RORA: variants seen among roughly 807,000 people sequenced by gnomAD.
RORA encodes RAR related orphan receptor A.
RORA carries 7 observed loss-of-function variants against 69.5 expected under a neutral mutation model. That is an observed-to-expected ratio of 0.10 (90% CI 0.06 to 0.19). The LOEUF (loss-of-function observed/expected upper bound fraction) is 0.19, where lower values mean the gene tolerates loss of function less well. Ranked by LOEUF, RORA falls within the 10% of genes least tolerant of loss-of-function variation. The probability of loss-of-function intolerance (pLI) is 1.00; values close to 1 mark genes in which losing one functional copy is unlikely to be tolerated. For missense variants in RORA, 457 were observed against 663.0 expected (o/e 0.69, Z 3.41); for synonymous variants, 261 against 240.8 (o/e 1.08, Z -0.78).
chr15:60,581,071 C>T (rs1284703491), intron 2 of RORA, among the ~76,000 whole-genome samples: 1 of 152,214 alleles, frequency 6.6e-6, no homozygotes, highest in Admixed American at 6.5e-5. Context: ...AACCAACCTT[C>T]TTCAACAAGA....
intron 2 of RORA, among the ~76,000 whole-genome samples, chr15:60,562,432 G>GT (rs1029165196): frequency 1.5e-4 from 14 of 95,572 alleles, no homozygotes; most frequent in African/African-American, 1.0e-3. Context: ...AGGCGGGGTT[G>GT]GGGGGGGGTT....
chr15:60,629,046 C>T (rs2069663689), intron 2 of RORA, among the ~76,000 whole-genome samples: 3 of 152,114 alleles, frequency 2.0e-5, no homozygotes, highest in Non-Finnish European at 4.4e-5. Context: ...TGGCAGGCTT[C>T]TCATTCTTGA....
chr15:60,832,631 A>G (rs1206933681), intron 1 of RORA, among the ~76,000 whole-genome samples: 1 of 152,122 alleles, frequency 6.6e-6, no homozygotes, highest in African/African-American at 2.4e-5. Context: ...AAACTAATGT[A>G]TCTAATTGCA....
intron 2 of RORA, among the ~76,000 whole-genome samples, chr15:60,608,951 C>T (rs560129086): frequency 1.3e-4 from 20 of 152,304 alleles, no homozygotes; most frequent in African/African-American, 4.8e-4. Flanking sequence ...GAAACACACA[C>T]AGTTTACAAA....
intron 1 of RORA, among the ~76,000 whole-genome samples, chr15:60,701,366 C>A (rs955895640): frequency 2.0e-5 from 3 of 152,166 alleles, no homozygotes; most frequent in Non-Finnish European, 2.9e-5. Flanking sequence ...TGGGCAAGAA[C>A]CACCATGGAT....
intron 1 of RORA, among the ~76,000 whole-genome samples, chr15:60,927,199 C>A (rs762363513): frequency 6.6e-6 from 1 of 152,130 alleles, no homozygotes; most frequent in Non-Finnish European, 1.5e-5. Context: ...ACATGTGGAC[C>A]AGTTCCCTAC....
At chr15:60,895,895 A>C (rs1891220360) in intron 1 of RORA, among the ~76,000 whole-genome samples, 1 of 152,228 alleles carries the variant, frequency 6.6e-6, no homozygotes, top group Non-Finnish European at 1.5e-5. Context: ...CTTAAAGTTC[A>C]TCCTTAAAAA....
chr15:60,660,071 A>G (rs1042514280), intron 2 of RORA, among the ~76,000 whole-genome samples: 2 of 151,890 alleles, frequency 1.3e-5, no homozygotes, highest in Admixed American at 6.6e-5. Context: ...TCATCTAAAA[A>G]TTTTTTTTTC....
chr15:60,997,370 C>A (rs551536287), intron 1 of RORA, among the ~76,000 whole-genome samples: 1 of 152,234 alleles, frequency 6.6e-6, no homozygotes, highest in South Asian at 2.1e-4. Flanking sequence ...ATACAGCTGT[C>A]TCGTGCCAAA....
At chr15:61,080,343 G>T (rs2078521082) in intron 1 of RORA, among the ~76,000 whole-genome samples, 1 of 152,132 alleles carries the variant, frequency 6.6e-6, no homozygotes, top group African/African-American at 2.4e-5. Flanking sequence ...ACTCGCCTTT[G>T]AGAGTTCCTA....
intron 1 of RORA, among the ~76,000 whole-genome samples, chr15:60,956,205 G>C (rs1449143725): frequency 6.6e-6 from 1 of 151,544 alleles, no homozygotes; most frequent in Non-Finnish European, 1.5e-5. Flanking sequence ...ATAAACACTT[G>C]TTCAAACAAA....
chr15:60,704,749 T>C (rs923433588), intron 1 of RORA, among the ~76,000 whole-genome samples: 4 of 152,166 alleles, frequency 2.6e-5, no homozygotes. Context: ...TTAGAGACCC[T>C]CACAGCAAGC....
At chr15:61,221,167 T>A (rs1009167189) in intron 1 of RORA, among the ~76,000 whole-genome samples, 1 of 152,134 alleles carries the variant, frequency 6.6e-6, no homozygotes, top group Non-Finnish European at 1.5e-5. Context: ...ACAGAAAAAA[T>A]TACACCATGT....
intron 1 of RORA, among the ~76,000 whole-genome samples, chr15:60,827,566 C>T (rs28576884): frequency 0.071 from 10,757 of 152,230 alleles, 1,058 homozygotes; most frequent in African/African-American, 0.22. Context: ...CACTGCATGG[C>T]CAGGCTTCCA....
At chr15:60,977,242 G>C (rs915307303) in intron 1 of RORA, among the ~76,000 whole-genome samples, 14 of 152,048 alleles carry the variant, frequency 9.2e-5, no homozygotes, top group African/African-American at 3.4e-4. Flanking sequence ...TGGTGGGGAG[G>C]GGGTCGTAAA....
intron 1 of RORA, among the ~76,000 whole-genome samples, chr15:61,216,670 C>T (rs1254093051): frequency 6.6e-6 from 1 of 152,022 alleles, no homozygotes; most frequent in African/African-American, 2.4e-5. Flanking sequence ...ATAGTGGGAG[C>T]AGGGAGACAG....
At chr15:60,603,383 A>T (rs1217505012) in intron 2 of RORA, among the ~76,000 whole-genome samples, 3 of 152,206 alleles carry the variant, frequency 2.0e-5, no homozygotes, top group Non-Finnish European at 4.4e-5. Context: ...TCCTATCAGC[A>T]ATGTATGAGA....
intron 1 of RORA, among the ~76,000 whole-genome samples, chr15:61,011,781 C>T (rs1469730527): frequency 1.3e-5 from 2 of 152,194 alleles, no homozygotes; most frequent in East Asian, 1.9e-4. Context: ...ACTAAACTTG[C>T]TACCAAGTGC....
At chr15:60,715,455 C>T (rs1044631439) in intron 1 of RORA, among the ~76,000 whole-genome samples, 4 of 152,188 alleles carry the variant, frequency 2.6e-5, no homozygotes, top group South Asian at 4.1e-4. Flanking sequence ...AAGACCTTCA[C>T]GTGGTGCCTC....
Sources: allele counts gnomAD v4.1 joint callset (sites outside exome capture counted in the v4.1 genomes callset), GRCh38; gene constraint gnomAD v4.1.1; transcripts MANE v1.5; gene names NCBI Gene and HGNC (gene_info 2026-07-23, HGNC 2026-07-21).